CSF1R: variants seen among roughly 807,000 people sequenced by gnomAD.
CSF1R encodes the protein colony stimulating factor 1 receptor.
A neutral mutation model predicts 110.0 loss-of-function variants in CSF1R; 40 were observed. That is an observed-to-expected ratio of 0.36 (90% confidence interval 0.28 to 0.47). The LOEUF (loss-of-function observed/expected upper bound fraction) is 0.47, where lower values mean the gene tolerates loss of function less well. Ranked by LOEUF, CSF1R falls within the 20% of genes least tolerant of loss-of-function variation. CSF1R has a pLI of 0.99. For synonymous variants in CSF1R, 523 were observed against 503.4 expected (o/e 1.04, Z -0.52); for missense variants, 1,052 against 1,253.0 (o/e 0.84, Z 2.42).
intron 1 of CSF1R, among the ~76,000 whole-genome samples, chr5:150,110,034 A>C (rs778835563): frequency 1.3e-5 from 2 of 149,946 alleles, no homozygotes; most frequent in Non-Finnish European, 3.0e-5. Flanking sequence ...TTCTGGTTTC[A>C]GTAAACAACT....
Position 150,086,509 on chromosome 5 carries a change from G to T in CSF1R, c.-82C>A. 1 of 1,368,138 alleles carries T rather than the reference G, an allele frequency of 7.3e-7. No individual in the cohort carries two copies. The highest frequency in any genetic ancestry group is 1.0e-6 in the Non-Finnish European group (1 of 976,190). The allele number at this position is 1,368,138 out of a possible 1,614,324, so 84.7% of individuals were successfully genotyped here. A position where few individuals can be genotyped will look rare whatever the true frequency, so the allele number is the denominator to read the frequency against. Reference sequence around the variant, plus strand: ...AGCTCTCAGCTACTAGCTCCGCAGGGATCGGGACACTGGACACACGTTCCT... The same window carrying T: ...AGCTCTCAGCTACTAGCTCCGCAGGTATCGGGACACTGGACACACGTTCCT... On this transcript the variant is annotated 5_prime_UTR_variant, in exon 1 of 21. Coordinates refer to ENST00000675795, the MANE Select transcript of CSF1R (RefSeq NM_001288705.3).
chr5:150,090,986 A>T (rs1185471165), upstream of CSF1R, among the ~76,000 whole-genome samples: 1 of 152,188 alleles, frequency 6.6e-6, no homozygotes, highest in Admixed American at 6.5e-5. Context: ...TAATTTTTTT[A>T]AAAAACAGGC....
At chr5:150,099,037 G>T (rs1014980981) in intron 1 of CSF1R, among the ~76,000 whole-genome samples, 8 of 150,392 alleles carry the variant, frequency 5.3e-5, no homozygotes, top group Non-Finnish European at 8.9e-5. Flanking sequence ...GGGATTGCAG[G>T]TGCCCGCCAC....
At chr5:150,078,708 T>G (rs1218604315) in intron 3 of CSF1R, among the ~76,000 whole-genome samples, 6 of 152,202 alleles carry the variant, frequency 3.9e-5, no homozygotes, top group Admixed American at 3.9e-4. Context: ...CCACCCCTTG[T>G]TCACTGCACT....
rs138240896 is a variant in CSF1R, at chr5:150,092,627, T to C, written c.-180-6020A>G. Among the ~76,000 whole-genome samples, 52 of 152,216 alleles carry C rather than the reference T, an allele frequency of 3.4e-4. 1 individual carries two copies. In the East Asian group the frequency reaches 8.5e-3, roughly 25 times the overall value. On this transcript the variant is annotated intron_variant, in intron 1 of 21. Coordinates refer to the CSF1R transcript ENST00000286301. ...CAACATGATGGCAGGCAAAAGAGTA[T>C]ATGCAGGGGAACTCCCATTTATAAA...
Position 150,083,436 on chromosome 5 carries a change from C to A in CSF1R, c.50-2412G>T, listed in dbSNP as rs993160690. Among the ~76,000 whole-genome samples, 4 of 150,932 alleles carry A rather than the reference C, an allele frequency of 2.7e-5. No homozygotes were observed. The South Asian group carries it at 8.4e-4, about 32-fold the overall frequency. On this transcript the variant is annotated intron_variant, in intron 1 of 20. Transcript: ENST00000675795. ...AGGCTGGACACAGCCCCTCTTCAGC[C>A]CAGGATCTCATCGCAGTAATGAAGA...
intron 16 of CSF1R, among the ~76,000 whole-genome samples, chr5:150,057,073 G>A (rs761062941): frequency 6.6e-6 from 1 of 151,914 alleles, no homozygotes; most frequent in Non-Finnish European, 1.5e-5. Flanking sequence ...TCATCTTCAC[G>A]CTGGGGACAC....
At chr5:150,105,382 A>ATTT (rs1195495947) in intron 1 of CSF1R, among the ~76,000 whole-genome samples, 8 of 82,800 alleles carry the variant, frequency 9.7e-5, no homozygotes, top group East Asian at 5.4e-4. Context: ...ATATATATAT[A>ATTT]TATTTTTTTT....
At position 150,080,979 on chromosome 5, in the gene CSF1R, A is replaced by C. The variant is rs56048668; in HGVS notation, c.95T>G (p.Val32Gly). The C allele has an allele frequency of 5.0e-3, 8,051 of 1,614,060 alleles. 31 individuals carry two copies. Among genetic ancestry groups the C allele is most frequent in the Non-Finnish European group, 6.2e-3 (7,363 of 1,179,958 alleles). The change falls in exon 2 of 21, where the codon GTG (valine) becomes GGG (glycine). Residue 32 changes from valine (V) to glycine (G), a missense_variant. Val to Gly is a moderately radical substitution (Grantham distance 109, BLOSUM62 -3). This residue lies in a region of CSF1R where 693 missense variants were observed against 735.4 expected (regional missense o/e 0.94). Coordinates refer to ENST00000675795, the MANE Select transcript of CSF1R (RefSeq NM_001288705.3). ...VIEPSVPELV[V>G]KPGATVTLRC... is the part of the protein sequence containing the mutation. ...CAAGGTCACCGTTGCTCCTGGCTTCACGACCAGCTCAGGGACACTGGGCTC... is the reference window on the plus strand; with the variant it reads ...CAAGGTCACCGTTGCTCCTGGCTTCCCGACCAGCTCAGGGACACTGGGCTC...
chr5:150,055,982 G>A (rs2113777799), intron 18 of CSF1R, 44 bp downstream of exon 18: 1 of 1,571,520 alleles, frequency 6.4e-7, no homozygotes, highest in African/African-American at 1.3e-5. Flanking sequence ...GGCAACCAGA[G>A]GAGCCAGCCC....
rs1757272340 is a variant in CSF1R at position 150,057,381 on chromosome 5, A to T, written c.2225T>A (p.Leu742Gln). 6.2e-7 allele frequency: 1 copy of T among 1,613,752 alleles called. No homozygotes were observed. Among genetic ancestry groups the T allele is most frequent in the African/African-American group, 1.3e-5 (1 of 74,910 alleles). ...SSNDSFSEQD[L>Q]DKEDGRPLEL... is the part of the protein sequence containing the mutation. ...CAGGGGCCGTCCATCCTCCTTGTCCAGGTCTAGGGTGGGAAGAGGCGTCAG... is the reference window on the plus strand; with the variant it reads ...CAGGGGCCGTCCATCCTCCTTGTCCTGGTCTAGGGTGGGAAGAGGCGTCAG... Residue 742 changes from leucine (L) to glutamine (Q), a missense_variant, in exon 16 of 21, where the codon CTG (leucine) becomes CAG (glutamine). Physicochemically the swap from Leu to Gln is moderately radical, Grantham distance 113. Around this residue, in one of 5 missense-constraint regions of CSF1R, gnomAD observed 124 missense variants for 117.7 expected, o/e 1.05. Coordinates refer to ENST00000675795, the MANE Select transcript of CSF1R (RefSeq NM_001288705.3).
intron 1 of CSF1R, among the ~76,000 whole-genome samples, chr5:150,107,143 T>G (rs1293808970): frequency 6.6e-6 from 1 of 152,198 alleles, no homozygotes; most frequent in East Asian, 1.9e-4. Context: ...CTCTCCACCC[T>G]CCAAAAGCAA....
intron 3 of CSF1R, 101 bp downstream of exon 3, chr5:150,079,951 C>T: frequency 7.3e-7 from 1 of 1,374,386 alleles, no homozygotes; most frequent in Non-Finnish European, 1.0e-6. Flanking sequence ...GGACATCCCA[C>T]TGCCCCCCAT....
At chr5:150,069,534 C>T (rs976698528) in intron 9 of CSF1R, among the ~76,000 whole-genome samples, 1 of 152,178 alleles carries the variant, frequency 6.6e-6, no homozygotes, top group Non-Finnish European at 1.5e-5. Flanking sequence ...CACTGCTTCC[C>T]TGCATAGGGC....
Position 150,070,535 on chromosome 5 carries a change from G to T in CSF1R, c.1119C>A (p.Pro373=). 6.5e-7 allele frequency: 1 copy of T among 1,549,982 alleles called. No individual in the cohort carries two copies. The highest frequency in any genetic ancestry group is 1.2e-5 in the South Asian group (1 of 83,440). Residue 373 remains proline, a synonymous_variant, in exon 7 of 21, where the codon CCC becomes CCA. Transcript: ENST00000675795. ...GGAAGGAGTAGCGGCCAGCCTCAGA[G>T]GGCTTCAGGCGGGGCAGAGAGAGGG... ...TFTLSLPRLK[P]SEAGRYSFLA... is the part of the protein sequence containing the mutation.
chr5:150,108,816 TG>T (rs138678533), intron 1 of CSF1R, among the ~76,000 whole-genome samples: 11,608 of 151,286 alleles, frequency 0.077, 618 homozygotes, highest in East Asian at 0.26. Context: ...CCTGAGCAGG[TG>T]GGGGGTGGGA....
rs11286566 is a variant in CSF1R at position 150,061,453 on chromosome 5, AC to A, written c.1858+37del. On this transcript the variant is annotated intron_variant, in intron 12 of 20. Transcript: ENST00000675795. ...GGCCAGCCCACCCCCAGCATCTACC[AC>A]CCCCCATCCCTTCCCTCATCCCCTC... 0.6 allele frequency: 302,383 copies of A among 503,528 alleles called. 84,763 individuals are homozygous for A. Among genetic ancestry groups the A allele is most frequent in the Non-Finnish European group, 0.65 (192,991 of 298,822 alleles). 31.2% of individuals were successfully genotyped at this position (503,528 alleles called of 1,614,324 possible).
intron 18 of CSF1R, 83 bp downstream of exon 18, chr5:150,055,943 G>C (rs1275315778): frequency 1.6e-6 from 2 of 1,270,074 alleles, no homozygotes; most frequent in African/African-American, 2.9e-5. Flanking sequence ...GCTGTGTCCT[G>C]GGCACCAAAC....
At chr5:150,061,063 G>A in intron 12 of CSF1R, 91 bp from the exon 13 acceptor site, 1 of 927,684 alleles carries the variant, frequency 1.1e-6, no homozygotes, top group Non-Finnish European at 1.7e-6. Flanking sequence ...AGAGACCCAG[G>A]GGAGAAAGCA....
Sources: allele counts gnomAD v4.1 joint callset (sites outside exome capture counted in the v4.1 genomes callset), GRCh38; gene constraint gnomAD v4.1.1; regional missense constraint gnomAD v4.1.1; transcripts MANE v1.5; gene names NCBI Gene and HGNC (gene_info 2026-07-23, HGNC 2026-07-21).